Variants in GABRB1 observed in about 807,000 individuals in gnomAD.
GABRB1 encodes gamma-aminobutyric acid receptor subunit beta-1.
In GABRB1, 17 loss-of-function variants were observed where a neutral mutation model predicts 51.6. That is an observed-to-expected ratio of 0.33 (90% CI 0.23 to 0.49). The LOEUF is 0.49. Among genes scored for constraint, GABRB1 ranks in the 20% least tolerant of loss-of-function variants. The pLI, the probability that GABRB1 is intolerant of heterozygous loss-of-function variation, is 0.99. For synonymous variants in GABRB1, 247 were observed against 218.9 expected (o/e 1.13, Z -1.14); for missense variants, 410 against 600.6 (o/e 0.68, Z 3.32).
intron 4 of GABRB1, among the ~76,000 whole-genome samples, chr4:47,169,240 A>G (rs1718338533): frequency 6.6e-6 from 1 of 152,132 alleles, no homozygotes; most frequent in Admixed American, 6.5e-5. Flanking sequence ...CTCTCTAAAA[A>G]AGGACTGAAC....
At chr4:47,268,196 A>G (rs1722715174) in intron 4 of GABRB1, among the ~76,000 whole-genome samples, 1 of 152,192 alleles carries the variant, frequency 6.6e-6, no homozygotes, top group Admixed American at 6.5e-5. Context: ...ACTAAAAAAA[A>G]TTTACCTCCA....
rs142683274 is a variant in GABRB1, at chr4:47,050,453, T to A, written c.240+17969T>A. Among the ~76,000 whole-genome samples the A allele has an allele frequency of 4.9e-3, 746 of 152,086 alleles. 5 individuals carry two copies. Among genetic ancestry groups the A allele is most frequent in the Middle Eastern group, 0.01 (3 of 294 alleles). The stretch of plus-strand genomic sequence containing the variant: ...CGTATATATATATACATACATATAT[T>A]TTTTTTAAGAGCTGCTTGTTAGAAG... On this transcript the variant is annotated intron_variant, in intron 3 of 8. Transcript: ENST00000295454.
intron 5 of GABRB1, among the ~76,000 whole-genome samples, chr4:47,365,637 T>A (rs1222703347): frequency 2.6e-5 from 4 of 152,094 alleles, no homozygotes; most frequent in Non-Finnish European, 5.9e-5. Flanking sequence ...TTACTCCGTG[T>A]CTTCTGGTTG....
chr4:47,210,899 A>T (rs1218542598), intron 4 of GABRB1, among the ~76,000 whole-genome samples: 1 of 152,194 alleles, frequency 6.6e-6, no homozygotes, highest in Non-Finnish European at 1.5e-5. Flanking sequence ...TGTAGATCAT[A>T]GATGACTTCT....
At chr4:47,253,306 T>G (rs888318823) in intron 4 of GABRB1, among the ~76,000 whole-genome samples, 12 of 152,240 alleles carry the variant, frequency 7.9e-5, no homozygotes, top group African/African-American at 2.9e-4. Context: ...CCCATTTGTG[T>G]GAGTCCGTGA....
At chr4:47,253,228 T>C (rs907992713) in intron 4 of GABRB1, among the ~76,000 whole-genome samples, 2 of 152,238 alleles carry the variant, frequency 1.3e-5, no homozygotes, top group Admixed American at 1.3e-4. Flanking sequence ...ATGTGATTTT[T>C]TACCGTTAGG....
At chr4:47,181,135 C>T (rs968343196) in intron 4 of GABRB1, among the ~76,000 whole-genome samples, 18 of 152,002 alleles carry the variant, frequency 1.2e-4, no homozygotes, top group Non-Finnish European at 2.6e-4. Context: ...TTTCTCTATA[C>T]TTTCCTTTTA....
chr4:47,122,816 TAGAAAGG>T (rs1462534753), intron 3 of GABRB1, among the ~76,000 whole-genome samples: 2 of 152,178 alleles, frequency 1.3e-5, no homozygotes, highest in African/African-American at 4.8e-5. Flanking sequence ...TGGAAACAAG[TAGAAAGG>T]AGCAAGTACT....
chr4:47,382,870 A>T (rs1727642471), intron 5 of GABRB1, among the ~76,000 whole-genome samples: 1 of 152,212 alleles, frequency 6.6e-6, no homozygotes, highest in South Asian at 2.1e-4. Context: ...GTAACTGCCA[A>T]ATTACATGGA....
chr4:47,005,336 T>G (rs1724356594), intron 1 of GABRB1, among the ~76,000 whole-genome samples: 1 of 152,164 alleles, frequency 6.6e-6, no homozygotes, highest in African/African-American at 2.4e-5. Flanking sequence ...GAGAATGGCG[T>G]GAACCCGAGA....
intron 4 of GABRB1, among the ~76,000 whole-genome samples, chr4:47,220,473 T>C (rs1296729336): frequency 6.6e-6 from 1 of 152,028 alleles, no homozygotes; most frequent in African/African-American, 2.4e-5. Flanking sequence ...ACTGTCTCTC[T>C]ACAAATGGTT....
intron 4 of GABRB1, among the ~76,000 whole-genome samples, chr4:47,297,920 G>A (rs548254415): frequency 2.0e-5 from 3 of 152,338 alleles, no homozygotes; most frequent in African/African-American, 7.2e-5. Context: ...TCCCTGGGAT[G>A]CAAGGCTGGT....
chr4:47,243,151 C>G (rs1390639752), intron 4 of GABRB1, among the ~76,000 whole-genome samples: 1 of 152,112 alleles, frequency 6.6e-6, no homozygotes, highest in African/African-American at 2.4e-5. Flanking sequence ...GAATCCTTTC[C>G]CCATTGCTTG....
intron 4 of GABRB1, among the ~76,000 whole-genome samples, chr4:47,180,737 A>G (rs1718907672): frequency 6.6e-6 from 1 of 151,980 alleles, no homozygotes; most frequent in African/African-American, 2.4e-5. Flanking sequence ...AAAGATATTT[A>G]TTGCCAAGCA....
At chr4:47,189,118 T>C (rs1229687863) in intron 4 of GABRB1, among the ~76,000 whole-genome samples, 1 of 151,802 alleles carries the variant, frequency 6.6e-6, no homozygotes, top group East Asian at 1.9e-4. Flanking sequence ...AAATAGAGAT[T>C]TTTGAAGAAG....
At chr4:47,151,687 C>G (rs1717464733) in intron 3 of GABRB1, among the ~76,000 whole-genome samples, 1 of 151,988 alleles carries the variant, frequency 6.6e-6, no homozygotes, top group African/African-American at 2.4e-5. Context: ...CACTAATATC[C>G]TATGAACCTC....
chr4:47,024,279 A>T (rs1403351857), intron 1 of GABRB1, among the ~76,000 whole-genome samples: 1 of 151,680 alleles, frequency 6.6e-6, no homozygotes, highest in Non-Finnish European at 1.5e-5. Context: ...CATGATATTG[A>T]TTTTTCTTAA....
chr4:47,013,198 A>G (rs1724632334), intron 1 of GABRB1, among the ~76,000 whole-genome samples: 1 of 151,876 alleles, frequency 6.6e-6, no homozygotes, highest in Admixed American at 6.6e-5. Context: ...TACCAATTAC[A>G]CCTGATGGTT....
chr4:47,254,416 C>A (rs1336704351), intron 4 of GABRB1, among the ~76,000 whole-genome samples: 1 of 123,084 alleles, frequency 8.1e-6, no homozygotes, highest in African/African-American at 3.2e-5. Context: ...ACTCTGTTGC[C>A]CAGGCTCGAG....
Sources: allele counts gnomAD v4.1 joint callset (sites outside exome capture counted in the v4.1 genomes callset), GRCh38; gene constraint gnomAD v4.1.1; transcripts MANE v1.5; gene names NCBI Gene and HGNC (gene_info 2026-07-23, HGNC 2026-07-21).